Variants in PKD1L1 observed in about 807,000 individuals in gnomAD.
PKD1L1 encodes the protein polycystin-1-like protein 1.
Under a neutral mutation model 323.4 loss-of-function variants are expected in PKD1L1, and 236 were observed. That is an observed-to-expected ratio of 0.73 (90% confidence interval 0.66 to 0.81). PKD1L1 has a LOEUF of 0.81. Ranked by LOEUF, PKD1L1 falls within the 40% of genes least tolerant of loss-of-function variation. The pLI is 0.00. For missense variants in PKD1L1, 3,320 were observed against 3,508.0 expected, an observed-to-expected ratio of 0.95 and a Z score of 1.35; for synonymous variants, 1,344 against 1,335.0, an observed-to-expected ratio of 1.01 and a Z score of -0.15.
chr7:47,878,081 G>C (rs1786449022), intron 21 of PKD1L1, among the ~76,000 whole-genome samples: 1 of 151,836 alleles, frequency 6.6e-6, no homozygotes, highest in Admixed American at 6.6e-5. Context: ...CATTCTCCTG[G>C]ATTCTCTCAA....
intron 54 of PKD1L1, among the ~76,000 whole-genome samples, chr7:47,798,410 A>T (rs1784588683): frequency 1.3e-5 from 2 of 152,260 alleles, no homozygotes; most frequent in Non-Finnish European, 2.9e-5. Context: ...TCTTACATTA[A>T]AATTAGCTTA....
chr7:47,825,762 C>T (rs1367746748), intron 45 of PKD1L1, among the ~76,000 whole-genome samples: 2 of 152,006 alleles, frequency 1.3e-5, no homozygotes, highest in African/African-American at 4.8e-5. Context: ...TAAGATTATG[C>T]CTAAGTGTAT....
At chr7:47,927,338 G>A (rs763776135) in intron 7 of PKD1L1, among the ~76,000 whole-genome samples, 5 of 151,938 alleles carry the variant, frequency 3.3e-5, no homozygotes, top group Non-Finnish European at 7.4e-5. Context: ...GAATGCAGTG[G>A]TGCGATCTCA....
chr7:47,791,995 A>G (rs189859467), intron 56 of PKD1L1, among the ~76,000 whole-genome samples: 4 of 152,328 alleles, frequency 2.6e-5, no homozygotes, highest in Non-Finnish European at 4.4e-5. Flanking sequence ...TGAACCACCA[A>G]TAGTTCCTCC....
intron 14 of PKD1L1, among the ~76,000 whole-genome samples, chr7:47,895,867 G>T (rs559178944): frequency 1.3e-5 from 2 of 152,178 alleles, no homozygotes; most frequent in Non-Finnish European, 2.9e-5. Context: ...TGGTTGTAGA[G>T]TTGTAATTGT....
intron 54 of PKD1L1, among the ~76,000 whole-genome samples, chr7:47,798,956 A>G (rs907086087): frequency 2.6e-5 from 4 of 152,234 alleles, no homozygotes; most frequent in Non-Finnish European, 5.9e-5. Flanking sequence ...TTAAGAGAAT[A>G]AAAGGAGAAG....
chr7:47,787,579 TA>T (rs370350185), intron 56 of PKD1L1, among the ~76,000 whole-genome samples: 1 of 152,338 alleles, frequency 6.6e-6, no homozygotes, highest in East Asian at 1.9e-4. Context: ...GTTGTGTATA[TA>T]AAGGACTGCT....
At position 47,899,589 on chromosome 7, in the gene PKD1L1, G is replaced by A. The variant is rs531556323; in HGVS notation, c.2065-1395C>T. Among the ~76,000 whole-genome samples, 55 of 152,000 alleles carry A rather than the reference G, an allele frequency of 3.6e-4. No homozygotes were observed. The East Asian group carries it at 0.01, about 28-fold the overall frequency. ...GATAGAGTCTCTGCCTGGCCAGAGC[G>A]CCTCCACCCTGCAGATGCTGGGTGC... is the stretch of plus-strand genomic sequence containing the variant. On this transcript the variant is annotated intron_variant, in intron 13 of 56. Transcript: ENST00000289672.
chr7:47,877,667 A>T, intron 21 of PKD1L1, 36 bp from the exon 22 acceptor site: 2 of 1,607,796 alleles, frequency 1.2e-6, no homozygotes, highest in Non-Finnish European at 8.5e-7. Context: ...TTCACCCATG[A>T]TGGAGAATTA....
intron 54 of PKD1L1, among the ~76,000 whole-genome samples, chr7:47,796,538 C>T (rs1784538753): frequency 1.3e-5 from 2 of 152,122 alleles, no homozygotes; most frequent in African/African-American, 4.8e-5. Flanking sequence ...GCCTGGGAGA[C>T]CAGAAAGGGT....
intron 55 of PKD1L1, 40 bp downstream of exon 55, chr7:47,795,949 T>C (rs759680121): frequency 1.9e-6 from 3 of 1,579,922 alleles, no homozygotes; most frequent in East Asian, 4.5e-5. Flanking sequence ...ATCTTGAGTG[T>C]GTGCTATCAT....
Position 47,931,292 on chromosome 7 carries a change from G to C in PKD1L1, c.549C>G (p.Pro183=). 2.5e-6 allele frequency: 4 copies of C among 1,614,232 alleles called. No homozygotes were observed. Among genetic ancestry groups the C allele is most frequent in the Non-Finnish European group, 3.4e-6 (4 of 1,180,048 alleles). ...QLQGTTSAAA[P]CSLKMEASCC... is the part of the protein sequence containing the mutation. ...AGGAAGCCTCCATCTTCAGGCTGCA[G>C]GGAGCTGCTGCAGAAGTGGTGCCCT... Residue 183 remains proline, a synonymous_variant, in exon 6 of 57, where the codon CCC becomes CCG. Transcript: ENST00000289672.
intron 24 of PKD1L1, among the ~76,000 whole-genome samples, chr7:47,870,299 T>C (rs1388549018): frequency 1.3e-5 from 2 of 151,788 alleles, no homozygotes; most frequent in Non-Finnish European, 2.9e-5. Flanking sequence ...ACAATAAAAA[T>C]CAATGAAGCC....
chr7:47,797,379 G>T (rs769411912), intron 54 of PKD1L1, among the ~76,000 whole-genome samples: 13 of 152,182 alleles, frequency 8.5e-5, no homozygotes, highest in Non-Finnish European at 1.5e-4. Flanking sequence ...ATCATCTCTT[G>T]TGGTCATATG....
intron 7 of PKD1L1, among the ~76,000 whole-genome samples, chr7:47,921,404 G>A (rs1330400474): frequency 6.6e-6 from 1 of 152,124 alleles, no homozygotes; most frequent in Non-Finnish European, 1.5e-5. Flanking sequence ...ATGTTGGTGT[G>A]GATGCAGTGA....
rs187421500 is a variant in PKD1L1 at position 47,888,597 on chromosome 7, C to T, written c.2676-447G>A. Among the ~76,000 whole-genome samples the T allele has an allele frequency of 1.9e-3, 293 of 152,374 alleles. 3 individuals are homozygous for T. Among genetic ancestry groups the T allele is most frequent in the Non-Finnish European group, 3.7e-4 (25 of 68,036 alleles). ...AAACCCATCCCCTCCCAAACTTTCC[C>T]CGTGGCCGTCCACCTTTGTGATTCC... On this transcript the variant is annotated intron_variant, in intron 16 of 56. Coordinates refer to ENST00000289672, the MANE Select transcript of PKD1L1 (RefSeq NM_138295.5).
Position 47,902,309 on chromosome 7 carries a change from A to C in PKD1L1, c.2064+70T>G, listed in dbSNP as rs112245358. The C allele has an allele frequency of 2.8e-3, 4,444 of 1,568,708 alleles. 110 individuals carry two copies. The African/African-American group carries it at 0.053, about 19-fold the overall frequency. On this transcript the variant is annotated intron_variant, in intron 13 of 56. Coordinates refer to ENST00000289672, the MANE Select transcript of PKD1L1 (RefSeq NM_138295.5). The stretch of plus-strand genomic sequence containing the variant: ...TCATGCCCCAAACTCTCACCACTCC[A>C]AACAGTGGTCCCAACTCAGAGGGAG...
At chr7:47,817,080 A>T (rs1215363454) in intron 46 of PKD1L1, among the ~76,000 whole-genome samples, 1 of 152,190 alleles carries the variant, frequency 6.6e-6, no homozygotes, top group Admixed American at 6.5e-5. Flanking sequence ...TACTAAAAAT[A>T]CAAAAAATTA....
At chr7:47,780,997 T>C (rs540973585) in intron 56 of PKD1L1, among the ~76,000 whole-genome samples, 2 of 152,370 alleles carry the variant, frequency 1.3e-5, no homozygotes, top group Admixed American at 1.3e-4. Flanking sequence ...CCATAGTTGC[T>C]GTACCATTTT....
Sources: gnomAD v4.1 joint callset for allele counts (sites outside exome capture counted in the v4.1 genomes callset) on GRCh38, gnomAD v4.1.1 for gene constraint, MANE v1.5 for transcripts, NCBI Gene and HGNC (gene_info 2026-07-23, HGNC 2026-07-21) for gene names.